Variants in ZNF267 observed in about 807,000 individuals in gnomAD.
ZNF267 encodes the protein zinc finger protein 267, also known as zinc finger (C2H2).
Under a neutral mutation model 71.6 loss-of-function variants are expected in ZNF267, and 61 were observed. That is an observed-to-expected ratio of 0.85 (90% CI 0.69 to 1.05). The LOEUF (loss-of-function observed/expected upper bound fraction) is 1.05, where lower values mean the gene tolerates loss of function less well. Among genes scored for constraint, ZNF267 ranks in the 50% least tolerant of loss-of-function variants. ZNF267 has a pLI of 0.00. For missense variants in ZNF267, 852 were observed against 870.0 expected (o/e 0.98, Z 0.26); for synonymous variants, 288 against 293.2 (o/e 0.98, Z 0.18).
At chr16:31,893,314 C>G (rs1174133644) in intron 3 of ZNF267, among the ~76,000 whole-genome samples, 1 of 152,242 alleles carries the variant, frequency 6.6e-6, no homozygotes, top group East Asian at 1.9e-4. Context: ...GGGCCTGACC[C>G]AGGAAACCAC....
At chr16:31,886,172 A>G (rs2083922955) in intron 3 of ZNF267, among the ~76,000 whole-genome samples, 1 of 152,200 alleles carries the variant, frequency 6.6e-6, no homozygotes, top group African/African-American at 2.4e-5. Flanking sequence ...TTTGATATAC[A>G]TACACATTGT....
rs2084171761 is a variant in ZNF267, at chr16:31,915,838, C to T, written c.1589C>T (p.Thr530Ile). Residue 530 changes from threonine (T) to isoleucine (I), a missense_variant, in exon 4 of 4, where the codon ACT becomes ATT. Coordinates refer to ENST00000300870, the MANE Select transcript of ZNF267 (RefSeq NM_003414.6). ...YKCKVCAKPFTCFSNLIVHER... is the reference protein window; with the variant it reads ...YKCKVCAKPFICFSNLIVHER... ...TGCAAAGTATGTGCTAAACCTTTTA[C>T]TTGTTTCTCAAATCTTATTGTGCAT... 1 of 1,613,354 alleles carries T rather than the reference C, an allele frequency of 6.2e-7. No individual in the cohort carries two copies. The highest frequency in any genetic ancestry group is 2.2e-5 in the East Asian group (1 of 44,838).
chr16:31,892,267 C>T (rs1485378109), intron 3 of ZNF267, among the ~76,000 whole-genome samples: 1 of 152,060 alleles, frequency 6.6e-6, no homozygotes, highest in Non-Finnish European at 1.5e-5. Flanking sequence ...TTTATAAAAC[C>T]ATCAGATCTC....
intron 3 of ZNF267, among the ~76,000 whole-genome samples, chr16:31,891,369 TAAC>T (rs1194834582): frequency 6.6e-6 from 1 of 152,262 alleles, no homozygotes; most frequent in Non-Finnish European, 1.5e-5. Flanking sequence ...ATTTGTACAC[TAAC>T]GTTATGGTAT....
chr16:31,912,430 T>C (rs1437308570), intron 3 of ZNF267: 1 of 151,784 alleles, frequency 6.6e-6, no homozygotes, highest in Non-Finnish European at 1.5e-5. Flanking sequence ...TGGAGTTTCA[T>C]TGTATGCTGT....
intron 3 of ZNF267, among the ~76,000 whole-genome samples, chr16:31,886,785 G>A (rs1596617051): frequency 6.6e-6 from 1 of 152,190 alleles, no homozygotes; most frequent in South Asian, 2.1e-4. Context: ...CATTATGTCT[G>A]AATAATATTC....
chr16:31,893,708 G>A (rs140718655), intron 3 of ZNF267, among the ~76,000 whole-genome samples: 84 of 152,294 alleles, frequency 5.5e-4, no homozygotes, highest in African/African-American at 1.9e-3. Context: ...CTGAACTGTG[G>A]CTGCATGCAG....
chr16:31,912,548 T>C (rs2084143165), intron 3 of ZNF267: 1 of 151,714 alleles, frequency 6.6e-6, no homozygotes, highest in Admixed American at 6.6e-5. Flanking sequence ...TTGTGTTCTG[T>C]AACCTGGTTG....
At chr16:31,892,564 C>T (rs1430070896) in intron 3 of ZNF267, among the ~76,000 whole-genome samples, 1 of 152,256 alleles carries the variant, frequency 6.6e-6, no homozygotes, top group African/African-American at 2.4e-5. Flanking sequence ...CAAGTCCCTT[C>T]TGCCTGTGAG....
At chr16:31,892,519 A>G (rs1432792045) in intron 3 of ZNF267, among the ~76,000 whole-genome samples, 1 of 152,166 alleles carries the variant, frequency 6.6e-6, no homozygotes, top group African/African-American at 2.4e-5. Flanking sequence ...CATTAACTCA[A>G]ATGTCCACAG....
At chr16:31,900,046 T>C (rs1349935507) in intron 3 of ZNF267, among the ~76,000 whole-genome samples, 1 of 151,936 alleles carries the variant, frequency 6.6e-6, no homozygotes, top group Admixed American at 6.6e-5. Flanking sequence ...TATATATATA[T>C]ATAAACTGTG....
intron 3 of ZNF267, among the ~76,000 whole-genome samples, chr16:31,895,202 A>G (rs1002455464): frequency 2.0e-5 from 3 of 152,252 alleles, no homozygotes; most frequent in African/African-American, 7.2e-5. Context: ...GCGGCCAGAC[A>G]TTGGTAGACA....
intron 3 of ZNF267, among the ~76,000 whole-genome samples, chr16:31,910,448 T>A (rs2084126987): frequency 6.6e-6 from 1 of 151,666 alleles, no homozygotes; most frequent in Non-Finnish European, 1.5e-5. Flanking sequence ...TCTGTTCATG[T>A]TTTGGATTTC....
intron 3 of ZNF267, among the ~76,000 whole-genome samples, chr16:31,911,336 C>G (rs1451449815): frequency 6.6e-6 from 1 of 151,590 alleles, no homozygotes; most frequent in African/African-American, 2.4e-5. Context: ...TACTCTATGT[C>G]TCAGTGCTTT....
rs370264911 is a variant in ZNF267 at position 31,881,955 on chromosome 16, C to T, written c.4-2543C>T. The stretch of plus-strand genomic sequence containing the variant: ...TGCTGGGATTACAGGCGTGAGCCAC[C>T]GTGCCCAGTGGAGAAATTCTTGTGA... On this transcript the variant is annotated intron_variant, in intron 1 of 3. Transcript: ENST00000300870. 1.1e-4 allele frequency among the ~76,000 whole-genome samples: 17 copies of T among 152,216 alleles called. No homozygotes were observed. In the East Asian group the frequency reaches 2.3e-3, roughly 21 times the overall value.
At chr16:31,887,659 T>C (rs148270525) in intron 3 of ZNF267, among the ~76,000 whole-genome samples, 16 of 152,316 alleles carry the variant, frequency 1.1e-4, no homozygotes, top group Non-Finnish European at 1.5e-4. Flanking sequence ...TTTGTGTATC[T>C]TGGTGCCCTT....
At position 31,914,665 on chromosome 16, in the gene ZNF267, T is replaced by C. The variant is rs117668484; in HGVS notation, c.416T>C (p.Phe139Ser). The change falls in exon 4 of 4, where the codon TTT (phenylalanine) becomes TCT (serine). Residue 139 changes from phenylalanine to serine, a missense_variant. Coordinates refer to ENST00000300870, the MANE Select transcript of ZNF267 (RefSeq NM_003414.6). The stretch of plus-strand genomic sequence containing the variant: ...GAAAAGACTTTTAAATATGATCAAT[T>C]TGATGAATCCTCTGTTGAAAGTTTG... ...YDEKTFKYDQ[F>S]DESSVESLFH... The C allele has an allele frequency of 0.015, 23,696 of 1,613,990 alleles. 215 individuals carry two copies. The highest frequency in any genetic ancestry group is 0.017 in the Non-Finnish European group (20,460 of 1,179,972).
At chr16:31,896,348 C>T (rs1008276525) in intron 3 of ZNF267, among the ~76,000 whole-genome samples, 2 of 152,154 alleles carry the variant, frequency 1.3e-5, no homozygotes, top group Non-Finnish European at 2.9e-5. Flanking sequence ...AAAATATTTT[C>T]CAAGTCTGTA....
chr16:31,874,295 A>T (rs570189029), intron 1 of ZNF267: 2 of 294,866 alleles, frequency 6.8e-6, no homozygotes, highest in African/African-American at 2.2e-5. Flanking sequence ...GGGGAGACCC[A>T]GGTTCGGTGT....
Sources: gnomAD v4.1 joint callset for allele counts (sites outside exome capture counted in the v4.1 genomes callset) on GRCh38, gnomAD v4.1.1 for gene constraint, MANE v1.5 for transcripts, NCBI Gene and HGNC (gene_info 2026-07-23, HGNC 2026-07-21) for gene names.